Variants in ZNF366 observed in about 807,000 individuals in gnomAD.
ZNF366 encodes the protein zinc finger protein 366, also known as dendritic cell-specific transcript protein.
Under a neutral mutation model 47.2 loss-of-function variants are expected in ZNF366, and 20 were observed. The observed-to-expected ratio is 0.42, with a 90% CI of 0.30 to 0.62. ZNF366 has a LOEUF of 0.62. Ranked by LOEUF, ZNF366 falls within the 20% of genes least tolerant of loss-of-function variation. The pLI is 0.16. For synonymous variants in ZNF366, 421 were observed against 395.1 expected, an observed-to-expected ratio of 1.07 and a Z score of -0.78; for missense variants, 987 against 976.3, an observed-to-expected ratio of 1.01 and a Z score of -0.15.
In ZNF366 at chr5:72,487,309, T is replaced by C. The variant is rs543720140; in HGVS notation, c.-15+19942A>G. ...GAGCAGTGCTTGAGCTCGTGCTTTATGGATTGGACCCCAGCAAGGTTAAAC... is the reference window on the plus strand; with the variant it reads ...GAGCAGTGCTTGAGCTCGTGCTTTACGGATTGGACCCCAGCAAGGTTAAAC... On this transcript the variant is annotated intron_variant, in intron 1 of 4. Coordinates refer to ENST00000318442, the MANE Select transcript of ZNF366 (RefSeq NM_152625.3). Among the ~76,000 whole-genome samples the C allele has an allele frequency of 3.3e-5, 5 of 152,344 alleles. No individual in the cohort carries two copies. In the East Asian group the frequency reaches 5.8e-4, roughly 18 times the overall value.
intron 2 of ZNF366, among the ~76,000 whole-genome samples, chr5:72,458,557 C>T (rs967224217): frequency 5.9e-5 from 9 of 152,156 alleles, no homozygotes; most frequent in African/African-American, 2.2e-4. Context: ...AGAGTCGGAG[C>T]CTGTCAGGTG....
intron 1 of ZNF366, among the ~76,000 whole-genome samples, chr5:72,476,419 C>T (rs940609210): frequency 2.6e-5 from 4 of 151,980 alleles, no homozygotes; most frequent in Non-Finnish European, 4.4e-5. Flanking sequence ...AATCTCTGTT[C>T]GATGTAAATG....
chr5:72,453,930 A>AGATAGATAGATAGATAGAG, intron 3 of ZNF366, among the ~76,000 whole-genome samples: 1 of 152,086 alleles, frequency 6.6e-6, no homozygotes, highest in Non-Finnish European at 1.5e-5. Flanking sequence ...GATAGATGAC[A>AGATAGATAGATAGATAGAG]CTCTCTAGGG....
In ZNF366 at chr5:72,444,188, C is replaced by T. The variant is rs749368726; in HGVS notation, c.1803G>A (p.Val601=). ...FDLSQKRRAK[V]PVFQSDGESA... is the part of the protein sequence containing the mutation. ...TCTCCCCGTCTGACTGGAACACCGG[C>T]ACCTTGGCCCGGCGCTTCTGAGAGA... is the stretch of plus-strand genomic sequence containing the variant. The change falls in exon 5 of 5, where the codon GTG becomes GTA. Residue 601 remains valine, a synonymous_variant. Transcript: ENST00000318442. 1.2e-6 allele frequency: 2 copies of T among 1,613,470 alleles called. No individual in the cohort carries two copies. The highest frequency in any genetic ancestry group is 4.5e-5 in the East Asian group (2 of 44,882).
intron 1 of ZNF366, among the ~76,000 whole-genome samples, chr5:72,506,835 A>G (rs1313903591): frequency 6.6e-6 from 1 of 152,194 alleles, no homozygotes; most frequent in African/African-American, 2.4e-5. Flanking sequence ...GGGCACCTCA[A>G]TCCAGGTAAC....
rs1048607238 is a variant in ZNF366 at position 72,450,499 on chromosome 5, G to A, written c.1525-3082C>T. ...ACACTTCTGAATGCCTAAGTCTTTGGTTGGGGAAATAAACAAGTCAGAGAA... is the reference window on the plus strand; with the variant it reads ...ACACTTCTGAATGCCTAAGTCTTTGATTGGGGAAATAAACAAGTCAGAGAA... On this transcript the variant is annotated intron_variant, in intron 3 of 4. Coordinates refer to ENST00000318442, the MANE Select transcript of ZNF366 (RefSeq NM_152625.3). Among the ~76,000 whole-genome samples, 9 of 152,170 alleles carry A rather than the reference G, an allele frequency of 5.9e-5. No individual in the cohort carries two copies. In the East Asian group the frequency reaches 9.6e-4, roughly 16 times the overall value.
chr5:72,486,460 C>A (rs1743893740), intron 1 of ZNF366, among the ~76,000 whole-genome samples: 1 of 152,190 alleles, frequency 6.6e-6, no homozygotes, highest in South Asian at 2.1e-4. Flanking sequence ...GTCTAACTGG[C>A]TCCTCCCAAC....
At chr5:72,476,929 G>A (rs1425328920) in intron 1 of ZNF366, among the ~76,000 whole-genome samples, 1 of 151,958 alleles carries the variant, frequency 6.6e-6, no homozygotes, top group Non-Finnish European at 1.5e-5. Context: ...AGGTCGGGCT[G>A]TGGGATTTTT....
At chr5:72,492,867 C>A (rs1744040067) in intron 1 of ZNF366, among the ~76,000 whole-genome samples, 1 of 152,140 alleles carries the variant, frequency 6.6e-6, no homozygotes, top group Non-Finnish European at 1.5e-5. Flanking sequence ...AGGAATAAAG[C>A]CTTTACTTCA....
intron 1 of ZNF366, among the ~76,000 whole-genome samples, chr5:72,499,525 C>T (rs1181206539): frequency 5.6e-5 from 8 of 143,120 alleles, no homozygotes; most frequent in African/African-American, 2.1e-4. Context: ...CGCTCTGTCA[C>T]CAACCCCGCC....
chr5:72,498,432 C>G (rs766037134), intron 1 of ZNF366, among the ~76,000 whole-genome samples: 1 of 152,152 alleles, frequency 6.6e-6, no homozygotes, highest in Non-Finnish European at 1.5e-5. Flanking sequence ...TGTGTCAGTA[C>G]ACACACTCAA....
chr5:72,483,120 C>T (rs1319055030), intron 1 of ZNF366, among the ~76,000 whole-genome samples: 2 of 152,066 alleles, frequency 1.3e-5, no homozygotes, highest in African/African-American at 4.8e-5. Flanking sequence ...AGTCAGGCAT[C>T]CAGTGGTGTC....
chr5:72,496,460 T>C (rs1202325033), intron 1 of ZNF366, among the ~76,000 whole-genome samples: 2 of 152,244 alleles, frequency 1.3e-5, no homozygotes, highest in Non-Finnish European at 2.9e-5. Flanking sequence ...CATTGTTTCA[T>C]ATGTCAATAG....
rs753728317 is a variant in ZNF366, at chr5:72,442,121, A to G, written c.*1635T>C. 2 of 152,196 alleles carry G rather than the reference A, an allele frequency of 1.3e-5. No homozygotes were observed. The highest frequency in any genetic ancestry group is 2.9e-5 in the Non-Finnish European group (2 of 68,044). The allele number at this position is 152,196 out of a possible 1,614,324, so 9.4% of individuals were successfully genotyped here. A position where few individuals can be genotyped will look rare whatever the true frequency, so the allele number is the denominator to read the frequency against. On this transcript the variant is annotated 3_prime_UTR_variant, in exon 5 of 5. Transcript: ENST00000318442. Reference sequence around the variant, plus strand: ...AGTATAATGTAAAAAGTGTGTATCTATATATAGACTGTGTGTGTCCGCTCA... The same window carrying G: ...AGTATAATGTAAAAAGTGTGTATCTGTATATAGACTGTGTGTGTCCGCTCA...
chr5:72,499,370 A>C (rs2112357018), intron 1 of ZNF366, among the ~76,000 whole-genome samples: 1 of 152,246 alleles, frequency 6.6e-6, no homozygotes, highest in East Asian at 1.9e-4. Context: ...AGATCTCTGA[A>C]AAGCCAGGTA....
intron 1 of ZNF366, among the ~76,000 whole-genome samples, chr5:72,490,061 C>T (rs1743974821): frequency 6.6e-6 from 1 of 152,174 alleles, no homozygotes. Flanking sequence ...GAGGTTAGAG[C>T]TTGAGCTTGA....
intron 4 of ZNF366, among the ~76,000 whole-genome samples, chr5:72,444,985 T>C (rs1742930675): frequency 6.6e-6 from 1 of 152,202 alleles, no homozygotes; most frequent in Non-Finnish European, 1.5e-5. Flanking sequence ...AATAAAGCCA[T>C]TTTCATCTTG....
At chr5:72,485,685 C>G (rs988502585) in intron 1 of ZNF366, among the ~76,000 whole-genome samples, 1 of 152,158 alleles carries the variant, frequency 6.6e-6, no homozygotes, top group African/African-American at 2.4e-5. Context: ...TTGTTATTCC[C>G]CTGCTCAAAA....
intron 1 of ZNF366, chr5:72,472,483 C>A: frequency 1.1e-6 from 1 of 926,492 alleles, no homozygotes; most frequent in African/African-American, 1.8e-5. Context: ...ACAGCCTTCC[C>A]TACCAGTGGG....
Sources: gnomAD v4.1 joint callset for allele counts (sites outside exome capture counted in the v4.1 genomes callset) on GRCh38, gnomAD v4.1.1 for gene constraint, MANE v1.5 for transcripts, NCBI Gene and HGNC (gene_info 2026-07-23, HGNC 2026-07-21) for gene names.